Variants in CTNNA2 observed in about 807,000 individuals in gnomAD.
CTNNA2 encodes catenin alpha 2, also known as catenin alpha-2.
A neutral mutation model predicts 101.0 loss-of-function variants in CTNNA2; 42 were observed. That is an observed-to-expected ratio of 0.42 (90% CI 0.32 to 0.54). The LOEUF (loss-of-function observed/expected upper bound fraction) is 0.54. CTNNA2 is among the 20% of genes least tolerant of loss of function. CTNNA2 has a pLI of 0.14. For missense variants in CTNNA2, 871 were observed against 1,223.1 expected, an observed-to-expected ratio of 0.71 and a Z score of 4.29; for synonymous variants, 450 against 456.4, an observed-to-expected ratio of 0.99 and a Z score of 0.18.
At chr2:80,517,646 T>G (rs76444807) in intron 9 of CTNNA2, among the ~76,000 whole-genome samples, 8,570 of 152,178 alleles carry the variant, frequency 0.056, 327 homozygotes, top group African/African-American at 0.1. Context: ...AAGTGTTCAT[T>G]GAGGAACTTG....
intron 1 of CTNNA2, among the ~76,000 whole-genome samples, chr2:79,591,654 T>G (rs2103986506): frequency 6.6e-6 from 1 of 152,282 alleles, no homozygotes; most frequent in Admixed American, 6.5e-5. Context: ...CATCTTATTT[T>G]TAGTTTTTCT....
intron 2 of CTNNA2, among the ~76,000 whole-genome samples, chr2:79,708,007 T>C (rs1685497111): frequency 6.6e-6 from 1 of 152,222 alleles, no homozygotes; most frequent in South Asian, 2.1e-4. Context: ...GTGTGCCAAG[T>C]CATTAACCAG....
At chr2:80,608,128 A>C (rs915353906) in intron 16 of CTNNA2, 56 bp from the exon 17 acceptor site, 69 of 1,507,652 alleles carry the variant, frequency 4.6e-5, no homozygotes, top group Non-Finnish European at 9.9e-6. Flanking sequence ...TCTATAACAA[A>C]TGTTAGAAAC....
intron 3 of CTNNA2, among the ~76,000 whole-genome samples, chr2:79,854,132 T>A (rs566525137): frequency 4.4e-4 from 66 of 151,368 alleles, no homozygotes; most frequent in East Asian, 8.0e-4. Context: ...CATTTTTTTT[T>A]TATATATATT....
chr2:80,304,962 C>A, intron 7 of CTNNA2: 1 of 542,432 alleles, frequency 1.8e-6, no homozygotes, highest in Non-Finnish European at 2.3e-6. Flanking sequence ...GTAGGGGTAG[C>A]ATCATCCACG....
intron 3 of CTNNA2, among the ~76,000 whole-genome samples, chr2:79,342,531 A>G (rs1024708863): frequency 1.3e-5 from 2 of 152,246 alleles, no homozygotes; most frequent in Non-Finnish European, 2.9e-5. Context: ...GAAAGAAGAC[A>G]TAAAATGCAA....
At chr2:80,136,440 T>C (rs1702700750) in intron 7 of CTNNA2, among the ~76,000 whole-genome samples, 1 of 152,204 alleles carries the variant, frequency 6.6e-6, no homozygotes, top group Non-Finnish European at 1.5e-5. Flanking sequence ...CTTCTATGAA[T>C]AGTCAATGTA....
intron 9 of CTNNA2, among the ~76,000 whole-genome samples, chr2:80,440,415 A>G (rs1682456587): frequency 6.6e-6 from 1 of 152,232 alleles, no homozygotes; most frequent in South Asian, 2.1e-4. Context: ...CACAGTTTTA[A>G]GAAAATCTTA....
chr2:80,468,557 A>G (rs933757650), intron 9 of CTNNA2, among the ~76,000 whole-genome samples: 16 of 152,074 alleles, frequency 1.1e-4, no homozygotes, highest in Non-Finnish European at 1.6e-4. Context: ...AGCTGGGACT[A>G]CAGGCGCCTG....
At chr2:79,355,379 G>A (rs1270836239) in intron 3 of CTNNA2, among the ~76,000 whole-genome samples, 1 of 152,036 alleles carries the variant, frequency 6.6e-6, no homozygotes, top group Admixed American at 6.5e-5. Context: ...TTTTCCATTT[G>A]TTTGTGTCAT....
chr2:79,523,733 C>T (rs757902254), intron 1 of CTNNA2, among the ~76,000 whole-genome samples: 1 of 151,994 alleles, frequency 6.6e-6, no homozygotes, highest in Non-Finnish European at 1.5e-5. Flanking sequence ...ATTTCTTTAC[C>T]CTTTTGCCAA....
chr2:80,215,278 T>A (rs1448591874), intron 7 of CTNNA2, among the ~76,000 whole-genome samples: 1 of 152,208 alleles, frequency 6.6e-6, no homozygotes, highest in African/African-American at 2.4e-5. Flanking sequence ...GTCAAAGTCA[T>A]TCTTTATCCA....
chr2:80,224,112 T>G (rs1170991702), intron 7 of CTNNA2, among the ~76,000 whole-genome samples: 5 of 152,154 alleles, frequency 3.3e-5, no homozygotes, highest in African/African-American at 4.8e-5. Flanking sequence ...CTCTCTTGTC[T>G]TCTGTTCTCA....
intron 14 of CTNNA2, among the ~76,000 whole-genome samples, chr2:80,588,816 T>C (rs917806005): frequency 6.6e-6 from 1 of 152,080 alleles, no homozygotes; most frequent in Non-Finnish European, 1.5e-5. Context: ...TCACTTACAC[T>C]CATAGAAAGT....
intron 7 of CTNNA2, among the ~76,000 whole-genome samples, chr2:80,375,323 G>T (rs1675838332): frequency 6.6e-6 from 1 of 152,070 alleles, no homozygotes. Flanking sequence ...GGATGAGGAA[G>T]AGAGGGGGAA....
intron 6 of CTNNA2, among the ~76,000 whole-genome samples, chr2:79,900,267 G>A (rs1444342712): frequency 6.6e-6 from 1 of 152,132 alleles, no homozygotes; most frequent in Non-Finnish European, 1.5e-5. Context: ...TACTAGTCAA[G>A]TATTTTAAGC....
At chr2:80,289,016 G>A (rs773730932) in intron 7 of CTNNA2, 3 of 152,118 alleles carry the variant, frequency 2.0e-5, no homozygotes, top group East Asian at 1.9e-4. Context: ...AAAACAACGC[G>A]TGCACTTTTA....
At chr2:79,321,062 C>T (rs73938191) in intron 3 of CTNNA2, among the ~76,000 whole-genome samples, 61 of 152,234 alleles carry the variant, frequency 4.0e-4, no homozygotes, top group Non-Finnish European at 6.6e-4. Flanking sequence ...ACTGTTATTA[C>T]GTAATCACAA....
intron 7 of CTNNA2, among the ~76,000 whole-genome samples, chr2:80,067,265 A>C (rs1345929695): frequency 1.3e-5 from 2 of 152,216 alleles, no homozygotes; most frequent in Non-Finnish European, 2.9e-5. Context: ...GATATAATGC[A>C]TATGTAAATT....
Sources: gnomAD v4.1 joint callset for allele counts (sites outside exome capture counted in the v4.1 genomes callset) on GRCh38, gnomAD v4.1.1 for gene constraint, MANE v1.5 for transcripts, NCBI Gene and HGNC (gene_info 2026-07-23, HGNC 2026-07-21) for gene names.